The following EGFR variants were observed in gnomAD, a reference collection of about 807,000 sequenced individuals.
EGFR encodes epidermal growth factor receptor, also known as avian erythroblastic leukemia viral (v-erb-b) oncogene homolog.
EGFR carries 58 observed loss-of-function variants against 143.0 expected under a neutral mutation model. The ratio of observed to expected loss-of-function variants is 0.41; its 90% CI spans 0.33 to 0.50. EGFR has a LOEUF of 0.50. Ranked by LOEUF, EGFR falls within the 20% of genes least tolerant of loss-of-function variation. The probability of loss-of-function intolerance (pLI) is 0.39; values close to 1 mark genes in which losing one functional copy is unlikely to be tolerated. For missense variants in EGFR, 1,307 were observed against 1,579.0 expected (o/e 0.83, Z 2.92); for synonymous variants, 613 against 594.4 (o/e 1.03, Z -0.45).
chr7:55,170,489 A>G, intron 15 of EGFR: 1 of 1,613,762 alleles, frequency 6.2e-7, no homozygotes, highest in Admixed American at 1.7e-5. Flanking sequence ...GGATGCAGCC[A>G]CCTCCATGCC....
chr7:55,067,822 G>A lies in EGFR; in HGVS notation c.88+48457G>A, dbSNP rs868585120. ...CCATTGTGTGTGCGCGGATGTGCGTGTATGTGTGTGTATGTGTGCACGTGT... is the reference window on the plus strand; with the variant it reads ...CCATTGTGTGTGCGCGGATGTGCGTATATGTGTGTGTATGTGTGCACGTGT... On this transcript the variant is annotated intron_variant, in intron 1 of 27. Coordinates refer to ENST00000275493, the MANE Select transcript of EGFR (RefSeq NM_005228.5). Among the ~76,000 whole-genome samples the A allele has an allele frequency of 1.7e-4, 25 of 151,440 alleles. 1 individual carries two copies. Among genetic ancestry groups the A allele is most frequent in the African/African-American group, 5.6e-4 (23 of 40,728 alleles).
rs2128958893 is a variant in EGFR, at chr7:55,181,474, C to A, written c.2465C>A (p.Ala822Glu). Residue 822 changes from alanine (A) to glutamate (E), a missense_variant, in exon 20 of 28, where the codon GCA (alanine) becomes GAA (glutamate). By Grantham distance (107) the Ala-to-Glu change is moderately radical. Around this residue, in one of 7 missense-constraint regions of EGFR, gnomAD observed 348 missense variants for 451.5 expected, o/e 0.77. Coordinates refer to ENST00000275493, the MANE Select transcript of EGFR (RefSeq NM_005228.5). Reference sequence around the variant, plus strand: ...CTGCTCAACTGGTGTGTGCAGATCGCAAAGGTAATCAGGGAAGGGAGATAC... The same window carrying A: ...CTGCTCAACTGGTGTGTGCAGATCGAAAAGGTAATCAGGGAAGGGAGATAC... ...QYLLNWCVQIAKGMNYLEDRR... is the reference protein window; with the variant it reads ...QYLLNWCVQIEKGMNYLEDRR... 6.2e-7 allele frequency: 1 copy of A among 1,614,190 alleles called. No individual in the cohort carries two copies.
At chr7:55,101,727 A>G (rs1355896415) in intron 1 of EGFR, among the ~76,000 whole-genome samples, 1 of 152,212 alleles carries the variant, frequency 6.6e-6, no homozygotes, top group Admixed American at 6.5e-5. Flanking sequence ...CAACTTTTTT[A>G]AACTGTCTAT....
chr7:55,083,398 C>T (rs1790578816), intron 1 of EGFR, among the ~76,000 whole-genome samples: 1 of 152,210 alleles, frequency 6.6e-6, no homozygotes, highest in South Asian at 2.1e-4. Context: ...GGATTTTCTT[C>T]TTGACTCACT....
At chr7:55,193,029 C>G (rs1056663877) in intron 22 of EGFR, among the ~76,000 whole-genome samples, 188 bp downstream of exon 22, 9 of 151,412 alleles carry the variant, frequency 5.9e-5, no homozygotes, top group Middle Eastern at 3.4e-3. Context: ...GTCCAGCTGC[C>G]GTCCAAAAGT....
intron 15 of EGFR, chr7:55,168,678 C>A: frequency 1.6e-6 from 2 of 1,238,634 alleles, no homozygotes; most frequent in Non-Finnish European, 2.2e-6. Flanking sequence ...TGTGTGATTA[C>A]ATTCCTGATT....
chr7:55,031,539 G>T (rs1385348360), intron 1 of EGFR, among the ~76,000 whole-genome samples: 2 of 152,106 alleles, frequency 1.3e-5, no homozygotes, highest in African/African-American at 4.8e-5. Flanking sequence ...AATGAGAAAA[G>T]TCCCAGAAGG....
At chr7:55,181,508 G>A (rs1183715985) in intron 20 of EGFR, 30 bp downstream of exon 20, 1 of 1,614,138 alleles carries the variant, frequency 6.2e-7, no homozygotes, top group Admixed American at 1.7e-5. Context: ...ACGGGGAGGG[G>A]AGATAAGGAG....
In EGFR at chr7:55,200,303, A is replaced by T. The variant is rs764001096; in HGVS notation, c.2849-13A>T. 3 of 1,613,268 alleles carry T rather than the reference A, an allele frequency of 1.9e-6. No homozygotes were observed. In the East Asian group the frequency reaches 6.7e-5, roughly 36 times the overall value. On this transcript the variant is annotated splice_polypyrimidine_tract_variant and intron_variant, in intron 23 of 27. Transcript: ENST00000275493. ...TGTTCTAATTGCACTGTTTTTTCTC[A>T]TTCCTTCCCCAGGCTGGATGATAGA...
chr7:55,109,767 G>T, intron 1 of EGFR: 1 of 985,400 alleles, frequency 1.0e-6, no homozygotes, highest in Non-Finnish European at 1.2e-6. Flanking sequence ...CATGACAAAA[G>T]GGCCTGTCTG....
chr7:55,160,609 A>G (rs1366925015), intron 12 of EGFR, among the ~76,000 whole-genome samples: 1 of 152,256 alleles, frequency 6.6e-6, no homozygotes, highest in East Asian at 1.9e-4. Flanking sequence ...TATTAGTTAT[A>G]TTACCTTTTA....
chr7:55,024,952 C>T (rs1786794468), intron 1 of EGFR, among the ~76,000 whole-genome samples: 1 of 152,180 alleles, frequency 6.6e-6, no homozygotes, highest in Non-Finnish European at 1.5e-5. Context: ...GAAGGGATTA[C>T]TCATTTGAGC....
intron 1 of EGFR, among the ~76,000 whole-genome samples, chr7:55,056,842 C>T (rs1054606430): frequency 2.6e-5 from 4 of 152,210 alleles, no homozygotes; most frequent in Non-Finnish European, 5.9e-5. Context: ...TTAATAAGAA[C>T]AGTGTCCTAA....
At chr7:55,192,715 A>G (rs927934185) in intron 21 of EGFR, 51 bp from the exon 22 acceptor site, 1 of 1,556,208 alleles carries the variant, frequency 6.4e-7, no homozygotes. Flanking sequence ...ACTTTTTCCA[A>G]CAGAGGGAAA....
chr7:55,202,135 A>G (rs1458324386), intron 26 of EGFR, among the ~76,000 whole-genome samples: 1 of 152,242 alleles, frequency 6.6e-6, no homozygotes, highest in Non-Finnish European at 1.5e-5. Flanking sequence ...GCACTGTGCC[A>G]TGCAGAAACC....
rs1785829987 is a variant in EGFR at position 55,163,833 on chromosome 7, C to G, written c.1722+10C>G. The G allele has an allele frequency of 6.2e-7, 1 of 1,614,056 alleles. No homozygotes were observed. Among genetic ancestry groups the G allele is most frequent in the Non-Finnish European group, 8.5e-7 (1 of 1,179,948 alleles). On this transcript the variant is annotated intron_variant, in intron 14 of 27. Coordinates refer to ENST00000275493, the MANE Select transcript of EGFR (RefSeq NM_005228.5). ...CACCTGCACAGGACGGGTAAGAGCC[C>G]CTTGCTGCTATCCACGTCCATTTCA...
intron 20 of EGFR, chr7:55,181,830 G>C (rs1490223503): frequency 1.4e-5 from 5 of 357,422 alleles, no homozygotes; most frequent in Admixed American, 4.0e-5. Context: ...TTCAGGACTT[G>C]ATAACAAGGT....
intron 14 of EGFR, among the ~76,000 whole-genome samples, chr7:55,164,572 G>A (rs749571254): frequency 6.6e-6 from 1 of 152,154 alleles, no homozygotes; most frequent in Non-Finnish European, 1.5e-5. Flanking sequence ...AATAATTGGC[G>A]ATATTGACAT....
intron 4 of EGFR, among the ~76,000 whole-genome samples, chr7:55,147,619 A>G (rs1794836556): frequency 6.6e-6 from 1 of 152,224 alleles, no homozygotes; most frequent in African/African-American, 2.4e-5. Flanking sequence ...ATTGTGATGA[A>G]ATGCCCGTAA....
Sources: gnomAD v4.1 joint callset for allele counts (sites outside exome capture counted in the v4.1 genomes callset) on GRCh38, gnomAD v4.1.1 for gene constraint, gnomAD v4.1.1 regional missense constraint, MANE v1.5 for transcripts, NCBI Gene and HGNC (gene_info 2026-07-23, HGNC 2026-07-21) for gene names.